Variants in PRKCE observed in about 807,000 individuals in gnomAD.
PRKCE encodes the protein protein kinase C epsilon type.
In PRKCE, 16 loss-of-function variants were observed where a neutral mutation model predicts 85.4. That is an observed-to-expected ratio of 0.19 (90% confidence interval 0.13 to 0.28). The LOEUF (loss-of-function observed/expected upper bound fraction) is 0.28. Among genes scored for constraint, PRKCE ranks in the 10% least tolerant of loss-of-function variants. PRKCE has a pLI of 1.00. For synonymous variants in PRKCE, 388 were observed against 371.5 expected, an observed-to-expected ratio of 1.04 and a Z score of -0.51; for missense variants, 573 against 975.2, an observed-to-expected ratio of 0.59 and a Z score of 5.49.
At chr2:45,967,714 G>A (rs147596769) in intron 2 of PRKCE, among the ~76,000 whole-genome samples, 2 of 151,272 alleles carry the variant, frequency 1.3e-5, no homozygotes, top group African/African-American at 4.9e-5. Context: ...TTTTCTTTTT[G>A]CCTCAGAATC....
chr2:45,944,203 A>G (rs1573972012), intron 2 of PRKCE, among the ~76,000 whole-genome samples: 1 of 152,206 alleles, frequency 6.6e-6, no homozygotes, highest in East Asian at 1.9e-4. Flanking sequence ...TTCTGCTTTG[A>G]CTGCTGTCCA....
intron 11 of PRKCE, among the ~76,000 whole-genome samples, chr2:46,106,553 C>T (rs1239864551): frequency 6.6e-6 from 1 of 152,162 alleles, no homozygotes; most frequent in African/African-American, 2.4e-5. Context: ...ATCAAGGTAC[C>T]AGCAAATTCC....
intron 10 of PRKCE, among the ~76,000 whole-genome samples, chr2:46,055,439 G>C (rs1255544529): frequency 2.6e-5 from 4 of 152,244 alleles, no homozygotes; most frequent in Non-Finnish European, 4.4e-5. Flanking sequence ...GAAGGGGTCA[G>C]TGAAATACCC....
At chr2:45,996,895 G>A (rs759870207) in intron 6 of PRKCE, among the ~76,000 whole-genome samples, 5 of 152,154 alleles carry the variant, frequency 3.3e-5, no homozygotes, top group Non-Finnish European at 5.9e-5. Context: ...ATATTATAGA[G>A]AATTGATATA....
chr2:45,667,987 G>A (rs1675994183), intron 1 of PRKCE, among the ~76,000 whole-genome samples: 1 of 152,116 alleles, frequency 6.6e-6, no homozygotes, highest in Admixed American at 6.5e-5. Context: ...AACTAAGTCA[G>A]TACTATCTAT....
chr2:45,829,646 G>A (rs1179868676), intron 1 of PRKCE, among the ~76,000 whole-genome samples: 2 of 152,206 alleles, frequency 1.3e-5, no homozygotes, highest in East Asian at 3.9e-4. Context: ...CAGCTTCTCT[G>A]CAGGACCCTA....
chr2:46,000,140 G>A (rs183925463), intron 6 of PRKCE, among the ~76,000 whole-genome samples: 7 of 151,408 alleles, frequency 4.6e-5, no homozygotes, highest in Non-Finnish European at 8.8e-5. Flanking sequence ...TGGTTTTTTG[G>A]GGTTTTTTTG....
At chr2:45,851,632 T>G (rs1358112910) in intron 2 of PRKCE, 1 of 152,206 alleles carries the variant, frequency 6.6e-6, no homozygotes, top group Non-Finnish European at 1.5e-5. Flanking sequence ...TTTTATTACT[T>G]AGAAATTGTG....
At chr2:45,765,653 G>T (rs1399590053) in intron 1 of PRKCE, among the ~76,000 whole-genome samples, 1 of 152,134 alleles carries the variant, frequency 6.6e-6, no homozygotes, top group Admixed American at 6.5e-5. Context: ...TATGAAAAGA[G>T]GTCAAGTAAC....
intron 1 of PRKCE, among the ~76,000 whole-genome samples, chr2:45,730,508 C>T (rs187078733): frequency 4.7e-5 from 7 of 148,936 alleles, no homozygotes; most frequent in Admixed American, 2.0e-4. Flanking sequence ...TGCCCAGGCT[C>T]GAGTACAGTG....
chr2:45,695,712 A>G (rs1444703375), intron 1 of PRKCE, among the ~76,000 whole-genome samples: 1 of 152,240 alleles, frequency 6.6e-6, no homozygotes, highest in Non-Finnish European at 1.5e-5. Context: ...CGGAGGTTGC[A>G]GTGAGCTGAG....
At chr2:45,793,812 G>T (rs983018659) in intron 1 of PRKCE, among the ~76,000 whole-genome samples, 3 of 152,220 alleles carry the variant, frequency 2.0e-5, no homozygotes, top group African/African-American at 7.2e-5. Context: ...TGCTTGTCAA[G>T]GACAAGGACA....
chr2:46,175,277 T>A (rs1255562090), intron 14 of PRKCE, among the ~76,000 whole-genome samples: 1 of 152,192 alleles, frequency 6.6e-6, no homozygotes, highest in African/African-American at 2.4e-5. Context: ...AGATTTCATG[T>A]GCAGGGGAGA....
At chr2:46,020,756 G>A (rs1211650351) in intron 10 of PRKCE, among the ~76,000 whole-genome samples, 1 of 152,238 alleles carries the variant, frequency 6.6e-6, no homozygotes, top group Non-Finnish European at 1.5e-5. Flanking sequence ...GCACAGTTGG[G>A]AGATAACAGG....
In PRKCE at chr2:45,829,371, C is replaced by G. The variant is rs994899491; in HGVS notation, c.349-13629C>G. 6.6e-5 allele frequency among the ~76,000 whole-genome samples: 10 copies of G among 152,236 alleles called. No individual in the cohort carries two copies. In the East Asian group the frequency reaches 1.7e-3, roughly 26 times the overall value. On this transcript the variant is annotated intron_variant, in intron 1 of 14. Transcript: ENST00000306156. ...GATGACATATTTTGGAGCTTCTATT[C>G]AAGGTGGTCCTGGAGAAAATGAGTT...
chr2:45,956,609 C>T (rs907660071), intron 2 of PRKCE, among the ~76,000 whole-genome samples: 6 of 152,166 alleles, frequency 3.9e-5, no homozygotes, highest in South Asian at 2.1e-4. Context: ...TGCTTGAACC[C>T]GGGAGGCGGA....
chr2:45,821,622 A>C lies in PRKCE; in HGVS notation c.349-21378A>C, dbSNP rs533502644. Among the ~76,000 whole-genome samples the C allele has an allele frequency of 2.0e-5, 3 of 152,250 alleles. No homozygotes were observed. In the East Asian group the frequency reaches 5.8e-4, roughly 29 times the overall value. On this transcript the variant is annotated intron_variant, in intron 1 of 14. Transcript: ENST00000306156. Reference sequence around the variant, plus strand: ...AGCCCAGCATGAGGCTGATTTGGGGACTGGCATGTGTCGGGGGACTTGGGC... The same window carrying C: ...AGCCCAGCATGAGGCTGATTTGGGGCCTGGCATGTGTCGGGGGACTTGGGC...
intron 11 of PRKCE, among the ~76,000 whole-genome samples, chr2:46,090,584 C>G (rs906137427): frequency 1.3e-5 from 2 of 152,136 alleles, no homozygotes; most frequent in Non-Finnish European, 2.9e-5. Flanking sequence ...GGATTGCTAC[C>G]TCACAGGTAT....
chr2:45,880,337 G>A (rs1694787056), intron 2 of PRKCE, among the ~76,000 whole-genome samples: 1 of 152,198 alleles, frequency 6.6e-6, no homozygotes, highest in African/African-American at 2.4e-5. Context: ...TGGGGAGGGG[G>A]ATACAGATAT....
Sources: gnomAD v4.1 joint callset for allele counts (sites outside exome capture counted in the v4.1 genomes callset) on GRCh38, gnomAD v4.1.1 for gene constraint, MANE v1.5 for transcripts, NCBI Gene and HGNC (gene_info 2026-07-23, HGNC 2026-07-21) for gene names.